Variants in CYYR1 observed in about 807,000 individuals in gnomAD.
CYYR1 encodes the protein cysteine and tyrosine-rich protein 1.
In CYYR1, 14 loss-of-function variants were observed where a neutral mutation model predicts 15.2. The observed-to-expected ratio is 0.92, with a 90% confidence interval of 0.61 to 1.44. CYYR1 has a LOEUF of 1.44. Among genes scored for constraint, CYYR1 ranks in the 40% most tolerant of loss-of-function variants. The pLI is 0.00. For synonymous variants in CYYR1, 80 were observed against 77.4 expected (o/e 1.03, Z -0.18); for missense variants, 228 against 209.5 (o/e 1.09, Z -0.54).
chr21:26,505,760 C>T (rs1334373585), intron 2 of CYYR1, among the ~76,000 whole-genome samples: 1 of 152,008 alleles, frequency 6.6e-6, no homozygotes, highest in African/African-American at 2.4e-5. Context: ...TACATAACAC[C>T]ATACAAAGAG....
intron 3 of CYYR1, chr21:26,471,406 C>T (rs1468604836): frequency 1.3e-5 from 2 of 152,168 alleles, no homozygotes; most frequent in Non-Finnish European, 2.9e-5. Context: ...CTGCCATCTG[C>T]ATAAAAACTG....
At chr21:26,531,861 A>C (rs1410581122) in intron 2 of CYYR1, among the ~76,000 whole-genome samples, 1 of 152,154 alleles carries the variant, frequency 6.6e-6, no homozygotes, top group Non-Finnish European at 1.5e-5. Context: ...GTGAATGTGG[A>C]AAGTTTTCAA....
intron 2 of CYYR1, chr21:26,483,552 G>T: frequency 4.8e-6 from 2 of 414,284 alleles, no homozygotes; most frequent in Non-Finnish European, 6.5e-6. Flanking sequence ...TTTTCTCCAT[G>T]AAAGCATTCT....
At chr21:26,535,017 TACTTA>T (rs2065977592) in intron 2 of CYYR1, among the ~76,000 whole-genome samples, 1 of 152,200 alleles carries the variant, frequency 6.6e-6, no homozygotes, top group African/African-American at 2.4e-5. Context: ...TTTATTTATT[TACTTA>T]ACTTATTCAT....
intron 2 of CYYR1, among the ~76,000 whole-genome samples, chr21:26,520,180 CATGGTGGTT>C (rs992724369): frequency 2.1e-5 from 3 of 145,596 alleles, no homozygotes; most frequent in Non-Finnish European, 4.5e-5. Context: ...ATCCGTGTGC[CATGGTGGTT>C]TGCTGCACCT....
At chr21:26,566,872 C>A (rs1370505883) in intron 1 of CYYR1, among the ~76,000 whole-genome samples, 1 of 151,768 alleles carries the variant, frequency 6.6e-6, no homozygotes, top group Non-Finnish European at 1.5e-5. Context: ...AGCTGGGTGT[C>A]GTGGTGCACA....
intron 2 of CYYR1, chr21:26,551,026 T>C (rs1344619149): frequency 6.6e-6 from 1 of 152,606 alleles, no homozygotes; most frequent in Admixed American, 6.5e-5. Flanking sequence ...AGCTGCTGAC[T>C]TGAAGTTGAA....
intron 2 of CYYR1, among the ~76,000 whole-genome samples, chr21:26,486,248 C>T (rs1320926701): frequency 6.6e-6 from 1 of 152,044 alleles, no homozygotes; most frequent in East Asian, 1.9e-4. Context: ...CAGGGTCGTT[C>T]ACAGAACAAA....
At position 26,468,284 on chromosome 21, in the gene CYYR1, A is replaced by G. The variant is rs2064992055; in HGVS notation, c.*217T>C. The G allele has an allele frequency of 1.8e-6, 1 of 568,192 alleles. No homozygotes were observed. The highest frequency in any genetic ancestry group is 3.2e-6 in the Non-Finnish European group (1 of 315,196). 35.2% of individuals were successfully genotyped at this position (568,192 alleles called of 1,614,324 possible). On this transcript the variant is annotated 3_prime_UTR_variant, in exon 4 of 4. Transcript: ENST00000652641. ...TTAGGTGGATCAGCAGATCTCTTAA[A>G]ATGTGGTTCCATAGAACCAAACATT...
intron 1 of CYYR1, among the ~76,000 whole-genome samples, chr21:26,569,473 C>G (rs1479982852): frequency 1.3e-5 from 2 of 152,108 alleles, no homozygotes; most frequent in East Asian, 1.9e-4. Context: ...GGTTGAAAAA[C>G]TAACTATTGG....
At chr21:26,556,150 G>A (rs1474313490) in intron 2 of CYYR1, among the ~76,000 whole-genome samples, 1 of 152,116 alleles carries the variant, frequency 6.6e-6, no homozygotes, top group East Asian at 1.9e-4. Context: ...CACCTAATCT[G>A]TATTCCATGA....
intron 2 of CYYR1, chr21:26,564,858 A>T (rs1343127359): frequency 1.7e-6 from 2 of 1,157,812 alleles, no homozygotes; most frequent in African/African-American, 1.6e-5. Context: ...GAAAAAAAAA[A>T]TTTAAATTTA....
At chr21:26,545,438 T>C (rs1171866482) in intron 2 of CYYR1, among the ~76,000 whole-genome samples, 3 of 152,140 alleles carry the variant, frequency 2.0e-5, no homozygotes, top group Non-Finnish European at 4.4e-5. Context: ...CGTCTTCTTT[T>C]CTCATAGAAA....
intron 2 of CYYR1, among the ~76,000 whole-genome samples, chr21:26,531,151 G>A (rs986104064): frequency 3.3e-5 from 5 of 152,170 alleles, no homozygotes; most frequent in Admixed American, 6.5e-5. Flanking sequence ...CCATTATTAC[G>A]CTAATAAAAA....
At chr21:26,559,836 C>A (rs925842332) in intron 2 of CYYR1, among the ~76,000 whole-genome samples, 2 of 152,098 alleles carry the variant, frequency 1.3e-5, no homozygotes, top group Admixed American at 6.6e-5. Context: ...CACACAATTT[C>A]TTTTTTATAA....
chr21:26,488,208 G>C (rs144546630), intron 2 of CYYR1, among the ~76,000 whole-genome samples: 1 of 151,612 alleles, frequency 6.6e-6, no homozygotes, highest in Non-Finnish European at 1.5e-5. Context: ...GAAGTCTGAG[G>C]GTTGACTAAA....
intron 2 of CYYR1, among the ~76,000 whole-genome samples, chr21:26,495,984 C>A (rs2065396999): frequency 6.6e-6 from 1 of 152,094 alleles, no homozygotes; most frequent in African/African-American, 2.4e-5. Context: ...GAGCAGGGCA[C>A]CGGATTTGGT....
intron 3 of CYYR1, 147 bp downstream of exon 3, chr21:26,480,125 A>G: frequency 1.3e-6 from 1 of 767,810 alleles, no homozygotes; most frequent in Non-Finnish European, 2.0e-6. Flanking sequence ...ATCTTGATTC[A>G]GCTAGAACTT....
intron 2 of CYYR1, among the ~76,000 whole-genome samples, chr21:26,497,692 C>A (rs1437694232): frequency 6.6e-6 from 1 of 152,110 alleles, no homozygotes; most frequent in East Asian, 1.9e-4. Flanking sequence ...ATATGACCCA[C>A]CTTAGAAGGA....
Sources: gnomAD v4.1 joint callset for allele counts (sites outside exome capture counted in the v4.1 genomes callset) on GRCh38, gnomAD v4.1.1 for gene constraint, MANE v1.5 for transcripts, NCBI Gene and HGNC (gene_info 2026-07-23, HGNC 2026-07-21) for gene names.